WDR11: variants seen among roughly 807,000 people sequenced by gnomAD.
The protein encoded by WDR11 is WD repeat-containing protein 11.
Under a neutral mutation model 151.2 loss-of-function variants are expected in WDR11, and 83 were observed. The observed-to-expected ratio is 0.55, with a 90% confidence interval of 0.46 to 0.66. The LOEUF (loss-of-function observed/expected upper bound fraction) is 0.66, where lower values mean the gene tolerates loss of function less well. Ranked by LOEUF, WDR11 falls within the 30% of genes least tolerant of loss-of-function variation. The pLI is 0.00. For missense variants in WDR11, 1,301 were observed against 1,480.9 expected (o/e 0.88, Z 1.99); for synonymous variants, 484 against 533.1 (o/e 0.91, Z 1.27).
At position 120,908,742 on chromosome 10, in the gene WDR11, CT is replaced by C; in HGVS notation, c.*30del. The C allele has an allele frequency of 6.2e-7, 1 of 1,612,834 alleles. No individual in the cohort carries two copies. Among genetic ancestry groups the C allele is most frequent in the Non-Finnish European group, 8.5e-7 (1 of 1,179,622 alleles). On this transcript the variant is annotated 3_prime_UTR_variant, in exon 29 of 29. Coordinates refer to ENST00000263461, the MANE Select transcript of WDR11 (RefSeq NM_018117.12). ...CTTAATAAATGCCAGGGAATCTGAC[CT>C]GGAAGGCAGATGGGAGGGGGCTGGT...
At chr10:120,880,162 C>T (rs1351922041) in intron 12 of WDR11, 3 of 152,100 alleles carry the variant, frequency 2.0e-5, no homozygotes, top group African/African-American at 7.2e-5. Flanking sequence ...AAGTAGTTTT[C>T]GCACCAGACA....
chr10:120,904,016 G>T, intron 23 of WDR11, 31 bp from the exon 24 acceptor site: 1 of 1,417,584 alleles, frequency 7.1e-7, no homozygotes. Context: ...TTATAATCCA[G>T]GCTTAATTTT....
chr10:120,860,327 A>G lies in WDR11; in HGVS notation c.526+45A>G, dbSNP rs754093369. On this transcript the variant is annotated intron_variant, in intron 4 of 28. Coordinates refer to ENST00000263461, the MANE Select transcript of WDR11 (RefSeq NM_018117.12). ...GGAAAATGAGTTAAGTGAGATATTT[A>G]TAATATAGTAATGCTATGTGCATGA... is the stretch of plus-strand genomic sequence containing the variant. 2.3e-5 allele frequency: 36 copies of G among 1,588,370 alleles called. No individual in the cohort carries two copies. In the East Asian group the frequency reaches 2.9e-4, roughly 13 times the overall value.
chr10:120,896,992 G>C (rs1847638645), intron 19 of WDR11, among the ~76,000 whole-genome samples: 1 of 152,142 alleles, frequency 6.6e-6, no homozygotes, highest in Non-Finnish European at 1.5e-5. Context: ...GTTTATTTCA[G>C]GACAGAGGCA....
Position 120,869,237 on chromosome 10 carries a change from C to T in WDR11, c.1295-1933C>T, listed in dbSNP as rs564373504. ...GCCATTCTCCTGCCTCAGCCTCCCG[C>T]GTAGCTGGGACTACAGGCGCCCGCC... On this transcript the variant is annotated intron_variant, in intron 9 of 28. Transcript: ENST00000263461. Among the ~76,000 whole-genome samples the T allele has an allele frequency of 1.5e-4, 22 of 143,974 alleles. No individual in the cohort carries two copies. The South Asian group carries it at 4.2e-3, about 27-fold the overall frequency. The allele number at this position is 143,974 out of a possible 152,430, so 94.5% of individuals were successfully genotyped here. A position where few individuals can be genotyped will look rare whatever the true frequency, so the allele number is the denominator to read the frequency against.
chr10:120,883,809 A>G lies in WDR11; in HGVS notation c.1769A>G (p.Lys590Arg). The part of the protein sequence containing the change: ...KQYLAVVFRD[K>R]PLELWDVRTC... ...TATTTGGCAGTCGTATTCAGAGATA[A>G]ACCCCTGGAGCTATGGGATGTTAGG... The change falls in exon 14 of 29, where the codon AAA becomes AGA. Residue 590 changes from lysine to arginine, a missense_variant. By Grantham distance (26) the Lys-to-Arg change is conservative. This residue lies in a region of WDR11 where 692 missense variants were observed against 762.5 expected (regional missense o/e 0.91). Coordinates refer to ENST00000263461, the MANE Select transcript of WDR11 (RefSeq NM_018117.12). 6.2e-7 allele frequency: 1 copy of G among 1,613,522 alleles called. No homozygotes were observed. The highest frequency in any genetic ancestry group is 8.5e-7 in the Non-Finnish European group (1 of 1,179,616).
chr10:120,866,722 G>A lies in WDR11; in HGVS notation c.1148G>A (p.Trp383Ter), dbSNP rs2133747458. ...GTGAGTGATGGCAGGGTCATGATAT[G>A]GGAACTCAAGTCTGCAGTTTGTAAT... ...LVVSDGRVMI[W>*]ELKSAVCNRN... Residue 383 changes from tryptophan (W) to a stop codon, truncating the protein, a stop_gained, in exon 8 of 29, where the codon TGG becomes TAG. Transcript: ENST00000263461. LOFTEE classifies it high-confidence loss of function. 1.2e-6 allele frequency: 2 copies of A among 1,614,138 alleles called. No individual in the cohort carries two copies. The highest frequency in any genetic ancestry group is 2.2e-5 in the East Asian group (1 of 44,882).
In WDR11 at chr10:120,904,119, G is replaced by A. The variant is rs1235735021; in HGVS notation, c.3004G>A (p.Asp1002Asn). 3.1e-6 allele frequency: 5 copies of A among 1,613,210 alleles called. No homozygotes were observed. The highest frequency in any genetic ancestry group is 4.2e-6 in the Non-Finnish European group (5 of 1,179,420). Residue 1002 changes from aspartate (D) to asparagine (N), a missense_variant, in exon 24 of 29, where the codon GAC becomes AAC. By Grantham distance (23) the Asp-to-Asn change is conservative. Around this residue, in one of 3 missense-constraint regions of WDR11, gnomAD observed 589 missense variants for 670.6 expected, o/e 0.88. Transcript: ENST00000263461. ...TTATGATCATACAAGGAAATGTACAGACCAGCTACTGCTCTTGGGTCAAGT... is the reference window on the plus strand; with the variant it reads ...TTATGATCATACAAGGAAATGTACAAACCAGCTACTGCTCTTGGGTCAAGT... ...STYDHTRKCT[D>N]QLLLLGQTDR... is the part of the protein sequence containing the mutation.
Position 120,901,076 on chromosome 10 carries a change from G to C in WDR11, c.2665G>C (p.Glu889Gln). The C allele has an allele frequency of 6.2e-7, 1 of 1,612,940 alleles. No individual in the cohort carries two copies. Among genetic ancestry groups the C allele is most frequent in the Non-Finnish European group, 8.5e-7 (1 of 1,179,154 alleles). Reference sequence around the variant, plus strand: ...TGAAGAAATAAAGAATCTCCTCCAAGAACAGTTGAATTCATTGTCTAAGTA... The same window carrying C: ...TGAAGAAATAAAGAATCTCCTCCAACAACAGTTGAATTCATTGTCTAAGTA... ...ENEEIKNLLQ[E>Q]QLNSLSNDIK... Residue 889 changes from glutamate to glutamine, a missense_variant, in exon 21 of 29, where the codon GAA (glutamate) becomes CAA (glutamine). Transcript: ENST00000263461.
chr10:120,859,881 A>G (rs908101138), intron 3 of WDR11, among the ~76,000 whole-genome samples: 4 of 152,112 alleles, frequency 2.6e-5, no homozygotes, highest in African/African-American at 9.7e-5. Context: ...AGATTACTTC[A>G]AAATTTTTAC....
At chr10:120,870,692 G>A (rs1425427008) in intron 9 of WDR11, among the ~76,000 whole-genome samples, 1 of 152,134 alleles carries the variant, frequency 6.6e-6, no homozygotes, top group Non-Finnish European at 1.5e-5. Flanking sequence ...TAGAAATTAT[G>A]AATAAGTTAT....
chr10:120,903,559 TA>T (rs375856173), intron 23 of WDR11, among the ~76,000 whole-genome samples: 1 of 133,290 alleles, frequency 7.5e-6, no homozygotes. Flanking sequence ...ACATTTGCAT[TA>T]AAAAAAAAGC....
rs928264693 is a variant in WDR11 at position 120,864,677 on chromosome 10, T to C, written c.714-370T>C. On this transcript the variant is annotated intron_variant, in intron 5 of 28. Transcript: ENST00000263461. ...TGATGTTTTTCATCCTGAGTCTTGA[T>C]TTTAACAGTTTGCCTAGTACTTTTA... 2.1e-4 allele frequency among the ~76,000 whole-genome samples: 32 copies of C among 152,306 alleles called. No individual in the cohort carries two copies. In the South Asian group the frequency reaches 4.8e-3, roughly 23 times the overall value.
intron 2 of WDR11, among the ~76,000 whole-genome samples, chr10:120,853,266 T>G (rs1290365760): frequency 6.6e-6 from 1 of 151,818 alleles, no homozygotes; most frequent in Non-Finnish European, 1.5e-5. Flanking sequence ...ACGAAGGAGT[T>G]TGGATTTTTT....
At chr10:120,893,360 C>G (rs1217368375) in intron 19 of WDR11, among the ~76,000 whole-genome samples, 1 of 152,130 alleles carries the variant, frequency 6.6e-6, no homozygotes, top group Non-Finnish European at 1.5e-5. Flanking sequence ...TTCTTTATGG[C>G]TGCATAGTAT....
rs527450635 is a variant in WDR11 at position 120,906,079 on chromosome 10, T to G, written c.3437+58T>G. The G allele has an allele frequency of 1.9e-6, 3 of 1,612,148 alleles. No individual in the cohort carries two copies. In the South Asian group the frequency reaches 3.3e-5, roughly 18 times the overall value. ...CTGCCCGTGAGCAGTCACTTCATGTTCTCTCGCGGTTCTAGCAGGTCATGG... is the reference window on the plus strand; with the variant it reads ...CTGCCCGTGAGCAGTCACTTCATGTGCTCTCGCGGTTCTAGCAGGTCATGG... On this transcript the variant is annotated intron_variant, in intron 27 of 28. Transcript: ENST00000263461.
intron 2 of WDR11, among the ~76,000 whole-genome samples, chr10:120,853,905 T>C (rs550703189): frequency 6.6e-6 from 1 of 152,324 alleles, no homozygotes; most frequent in African/African-American, 2.4e-5. Flanking sequence ...AGTCAGTGAA[T>C]TTTTAAGTTT....
intron 19 of WDR11, chr10:120,899,791 A>G: frequency 1.8e-6 from 1 of 549,040 alleles, no homozygotes; most frequent in Non-Finnish European, 3.2e-6. Flanking sequence ...TCAAAAAAAA[A>G]ATAAAATAAA....
At chr10:120,864,467 T>C (rs747648175) in intron 5 of WDR11, among the ~76,000 whole-genome samples, 43 of 152,164 alleles carry the variant, frequency 2.8e-4, no homozygotes, top group Non-Finnish European at 4.9e-4. Flanking sequence ...TCTCTTAAAA[T>C]CCTTATAGTT....
Sources: allele counts gnomAD v4.1 joint callset (sites outside exome capture counted in the v4.1 genomes callset), GRCh38; gene constraint gnomAD v4.1.1; regional missense constraint gnomAD v4.1.1; transcripts MANE v1.5; gene names NCBI Gene and HGNC (gene_info 2026-07-23, HGNC 2026-07-21).